Variants in COL4A5 observed in about 807,000 individuals in gnomAD.
COL4A5 encodes the protein collagen alpha-5(IV) chain.
Under a neutral mutation model 130.2 loss-of-function variants are expected in COL4A5, and 26 were observed. The ratio of observed to expected loss-of-function variants is 0.20; its 90% CI spans 0.15 to 0.28. The LOEUF is 0.28. Among genes scored for constraint, COL4A5 ranks in the 10% least tolerant of loss-of-function variants. COL4A5 has a pLI of 1.00. For synonymous variants in COL4A5, 496 were observed against 439.6 expected (o/e 1.13, Z -1.60); for missense variants, 1,131 against 1,344.3 (o/e 0.84, Z 2.48).
chrX:108,495,904 C>A (rs2065030724), intron 1 of COL4A5, among the ~76,000 whole-genome samples: 2 of 112,331 alleles, frequency 1.8e-5, no homozygotes, highest in Admixed American at 9.4e-5. Context: ...GTCCAATCTG[C>A]CAGTAGCAGA....
chrX:108,687,719 C>T, intron 49 of COL4A5, 25 bp downstream of exon 49: 2 of 1,177,206 alleles, frequency 1.7e-6, no homozygotes, highest in Admixed American at 4.3e-5. Flanking sequence ...ATCTAATTTC[C>T]TACTGTGCCT....
chrX:108,492,667 T>C (rs377250618), intron 1 of COL4A5, among the ~76,000 whole-genome samples: 4 of 111,661 alleles, frequency 3.6e-5, no homozygotes, highest in East Asian at 5.6e-4. Context: ...GGATCCCCAT[T>C]TACTAGTAAA....
chrX:108,626,397 A>AT, intron 36 of COL4A5, 48 bp downstream of exon 36: 4 of 1,197,087 alleles, frequency 3.3e-6, no homozygotes, highest in Non-Finnish European at 4.5e-6. Flanking sequence ...CAGATATGAA[A>AT]TTTTTTAATA....
At chrX:108,474,274 A>T (rs1167769961) in intron 1 of COL4A5, among the ~76,000 whole-genome samples, 1 of 111,820 alleles carries the variant, frequency 8.9e-6, no homozygotes, top group Non-Finnish European at 1.9e-5. Context: ...TATCATTTTT[A>T]AAATCTTTTA....
intron 1 of COL4A5, among the ~76,000 whole-genome samples, chrX:108,498,860 G>C (rs73638866): frequency 0.093 from 10,270 of 110,505 alleles, 1,087 homozygotes; most frequent in African/African-American, 0.31. Flanking sequence ...TTTATACTGT[G>C]AGTATACAAA....
At chrX:108,543,827 C>A (rs944956912) in intron 2 of COL4A5, among the ~76,000 whole-genome samples, 7 of 111,531 alleles carry the variant, frequency 6.3e-5, no homozygotes, top group African/African-American at 2.3e-4. Context: ...CCTTCACATC[C>A]CTTGTAAGTT....
At position 108,601,429 on chromosome X, in the gene COL4A5, C is replaced by A. The variant is rs747334587; in HGVS notation, c.1985C>A (p.Pro662Gln). 4.1e-6 allele frequency: 5 copies of A among 1,208,244 alleles called. No homozygotes were observed. The South Asian group carries it at 8.8e-5, about 21-fold the overall frequency. The change falls in exon 26 of 53, where the codon CCG becomes CAG. Residue 662 changes from proline to glutamine, a missense_variant. Coordinates refer to ENST00000328300, the MANE Select transcript of COL4A5 (RefSeq NM_033380.3). ...GATCCAGGTCAGACTATAACCCAGC[C>A]GGGGAAGCCTGGCTTGCCTGGTAAC... ...KGDPGQTITQ[P>Q]GKPGLPGNPG...
At chrX:108,606,934 T>C (rs766721835) in intron 29 of COL4A5, 42 bp downstream of exon 29, 5 of 1,192,944 alleles carry the variant, frequency 4.2e-6, no homozygotes, top group Non-Finnish European at 5.7e-6. Context: ...TTTTAACTTT[T>C]ATAGAAATTG....
At position 108,578,428 on chromosome X, in the gene COL4A5, T is replaced by C. The variant is rs1168020973; in HGVS notation, c.780+45T>C. 4 of 915,385 alleles carry C rather than the reference T, an allele frequency of 4.4e-6. No homozygotes were observed. In the Admixed American group the frequency reaches 8.8e-5, roughly 20 times the overall value. The allele number at this position is 915,385 out of a possible 1,213,427, so 75.4% of individuals were successfully genotyped here. A position where few individuals can be genotyped will look rare whatever the true frequency, so the allele number is the denominator to read the frequency against. ...GTCAATGAAAATCTTGCTATGGATA[T>C]GTTAATTAGTTTGATGGTGGTAATC... On this transcript the variant is annotated intron_variant, in intron 13 of 52. Transcript: ENST00000328300.
intron 6 of COL4A5, 49 bp from the exon 7 acceptor site, chrX:108,571,364 A>G: frequency 1.1e-6 from 1 of 924,606 alleles, no homozygotes; most frequent in South Asian, 2.0e-5. Context: ...TGGTATAGTT[A>G]TTCTTTGTTT....
chrX:108,533,276 G>A (rs945668800), intron 1 of COL4A5, among the ~76,000 whole-genome samples: 1 of 111,676 alleles, frequency 9.0e-6, no homozygotes, highest in African/African-American at 3.2e-5. Context: ...GCTTACACTG[G>A]GGAAAGGTAA....
chrX:108,586,133 T>C (rs1368946754), intron 18 of COL4A5, among the ~76,000 whole-genome samples: 1 of 110,666 alleles, frequency 9.0e-6, no homozygotes, highest in African/African-American at 3.3e-5. Flanking sequence ...TAGTAAAAAG[T>C]AGTGAGCAAT....
intron 2 of COL4A5, among the ~76,000 whole-genome samples, chrX:108,540,367 A>G (rs1420178139): frequency 8.9e-6 from 1 of 112,373 alleles, no homozygotes; most frequent in Non-Finnish European, 1.9e-5. Context: ...ACATTTATCA[A>G]GCTACTAATC....
chrX:108,676,137 A>G (rs1296924423), intron 43 of COL4A5, among the ~76,000 whole-genome samples: 2 of 112,128 alleles, frequency 1.8e-5, no homozygotes, highest in African/African-American at 6.5e-5. Flanking sequence ...ATTTTATTTT[A>G]GGTTAAAAAG....
intron 1 of COL4A5, among the ~76,000 whole-genome samples, chrX:108,508,899 C>T (rs868515035): frequency 8.9e-6 from 1 of 111,801 alleles, no homozygotes; most frequent in Middle Eastern, 4.6e-3. Context: ...ACATCACATA[C>T]AAAAATCAAC....
intron 1 of COL4A5, among the ~76,000 whole-genome samples, chrX:108,476,546 CT>C (rs2064835568): frequency 1.5e-5 from 1 of 67,929 alleles, no homozygotes; most frequent in African/African-American, 6.6e-5. Flanking sequence ...TTTTTTTTAC[CT>C]ATTAACCATC....
intron 1 of COL4A5, among the ~76,000 whole-genome samples, chrX:108,486,477 G>A (rs1447002430): frequency 2.7e-5 from 3 of 111,342 alleles, no homozygotes; most frequent in Non-Finnish European, 5.7e-5. Context: ...ATATGAATAA[G>A]TTCTTTAGTG....
At chrX:108,691,135 G>T (rs2068634220) in intron 49 of COL4A5, among the ~76,000 whole-genome samples, 1 of 111,242 alleles carries the variant, frequency 9.0e-6, no homozygotes, top group African/African-American at 3.3e-5. Context: ...GCAGAGAGTG[G>T]AAAGACAGGT....
intron 1 of COL4A5, among the ~76,000 whole-genome samples, chrX:108,529,509 C>A (rs1369719804): frequency 9.0e-6 from 1 of 111,239 alleles, no homozygotes; most frequent in Non-Finnish European, 1.9e-5. Flanking sequence ...ATAAAACAAC[C>A]AGAAAACCAT....
Sources: gnomAD v4.1 joint callset for allele counts (sites outside exome capture counted in the v4.1 genomes callset) on GRCh38, gnomAD v4.1.1 for gene constraint, MANE v1.5 for transcripts, NCBI Gene and HGNC (gene_info 2026-07-23, HGNC 2026-07-21) for gene names.